Variants in GDI2 observed in about 807,000 individuals in gnomAD.
GDI2 encodes the protein GDP dissociation inhibitor 2, also known as rab GDP dissociation inhibitor beta.
GDI2 carries 22 observed loss-of-function variants against 54.2 expected under a neutral mutation model. The ratio of observed to expected loss-of-function variants is 0.41; its 90% CI spans 0.29 to 0.58. GDI2 has a LOEUF of 0.58. Among genes scored for constraint, GDI2 ranks in the 20% least tolerant of loss-of-function variants. The pLI is 0.35. For synonymous variants in GDI2, 177 were observed against 182.1 expected, an observed-to-expected ratio of 0.97 and a Z score of 0.23; for missense variants, 422 against 546.0, an observed-to-expected ratio of 0.77 and a Z score of 2.26.
rs1277338952 is a variant in GDI2, at chr10:5,766,825, T to A, written c.992-187A>T. On this transcript the variant is annotated intron_variant, in intron 8 of 10. Coordinates refer to ENST00000380191, the MANE Select transcript of GDI2 (RefSeq NM_001494.4). The surrounding 1 kb of genome is among the most constrained non-coding windows in gnomAD (Gnocchi z 5.8). ...TACACAGATATTTAACAATAGGAAT[T>A]TCTTTTAACCTACTAGAGATTAAGA... 6.6e-6 allele frequency among the ~76,000 whole-genome samples: 1 copy of A among 152,232 alleles called. No individual in the cohort carries two copies. The highest frequency in any genetic ancestry group is 6.5e-5 in the Admixed American group (1 of 15,282).
Position 5,766,707 on chromosome 10 carries a change from A to G in GDI2, c.992-69T>C. 2.4e-6 allele frequency: 3 copies of G among 1,258,458 alleles called. No homozygotes were observed. The highest frequency in any genetic ancestry group is 3.5e-6 in the Non-Finnish European group (3 of 863,678). 78.0% of individuals were successfully genotyped at this position (1,258,458 alleles called of 1,614,324 possible). Reference sequence around the variant, plus strand: ...CTGGGACCCAACATACTCAGGTATCACCCATATGTCATGAGGTGTGAGTTA... The same window carrying G: ...CTGGGACCCAACATACTCAGGTATCGCCCATATGTCATGAGGTGTGAGTTA... On this transcript the variant is annotated intron_variant, in intron 8 of 10. Coordinates refer to ENST00000380191, the MANE Select transcript of GDI2 (RefSeq NM_001494.4). This position sits in a 1 kb window ranked among gnomAD's most constrained non-coding sequence, Gnocchi z 5.8.
chr10:5,799,389 T>G (rs1472935611), intron 2 of GDI2, among the ~76,000 whole-genome samples: 1 of 152,084 alleles, frequency 6.6e-6, no homozygotes, highest in Non-Finnish European at 1.5e-5. Context: ...TGGTGGCTCA[T>G]GCCTGTAATC....
intron 1 of GDI2, among the ~76,000 whole-genome samples, chr10:5,805,936 C>T (rs752900336): frequency 6.6e-5 from 10 of 152,136 alleles, no homozygotes; most frequent in Non-Finnish European, 1.2e-4. Flanking sequence ...ATGACTATAC[C>T]ACAATTTACT....
At chr10:5,780,362 G>T (rs527364785) in intron 6 of GDI2, among the ~76,000 whole-genome samples, 20 of 150,738 alleles carry the variant, frequency 1.3e-4, no homozygotes, top group Non-Finnish European at 2.2e-4. Flanking sequence ...GTAAAACTGG[G>T]AACAAAGCAA....
Position 5,776,341 on chromosome 10 carries a change from A to T in GDI2, c.720-2400T>A. On this transcript the variant is annotated intron_variant, in intron 6 of 10. Coordinates refer to ENST00000380191, the MANE Select transcript of GDI2 (RefSeq NM_001494.4). The surrounding 1 kb of genome is among the most constrained non-coding windows in gnomAD (Gnocchi z 5.3). ...TGCCCATCTCACAAACCCTCTGCTG[A>T]GGATGCAGAGAGCCAGAGCCCCCTT... 1 of 650,144 alleles carries T rather than the reference A, an allele frequency of 1.5e-6. No individual in the cohort carries two copies. Among genetic ancestry groups the T allele is most frequent in the Non-Finnish European group, 2.8e-6 (1 of 354,702 alleles). The allele number at this position is 650,144 out of a possible 1,614,324, so 40.3% of individuals were successfully genotyped here.
chr10:5,803,555 T>C (rs1220607807), intron 1 of GDI2, among the ~76,000 whole-genome samples: 1 of 152,208 alleles, frequency 6.6e-6, no homozygotes, highest in African/African-American at 2.4e-5. Context: ...ACAACCTTTA[T>C]AAACAAAAGC....
intron 1 of GDI2, among the ~76,000 whole-genome samples, chr10:5,801,389 T>C (rs1286780519): frequency 6.6e-6 from 1 of 152,144 alleles, no homozygotes; most frequent in East Asian, 1.9e-4. Flanking sequence ...AGGATGTCCT[T>C]GATAGGGTGG....
At chr10:5,786,163 C>G (rs1364315996) in intron 4 of GDI2, 113 bp from the exon 5 acceptor site, 23 of 444,778 alleles carry the variant, frequency 5.2e-5, no homozygotes, top group Non-Finnish European at 8.1e-5. Flanking sequence ...ATGCAGGATG[C>G]AATTTTTTTT....
chr10:5,809,043 G>A (rs574694966), intron 1 of GDI2, among the ~76,000 whole-genome samples: 53 of 152,056 alleles, frequency 3.5e-4, no homozygotes, highest in African/African-American at 1.2e-3. Context: ...TTAGGAGTTC[G>A]AGACCAGCCT....
chr10:5,765,748 A>G lies in GDI2; in HGVS notation c.*258T>C, dbSNP rs1840305779. ...TCAAGTTGTCTGTGTCGGTATCCCA[A>G]TGTTTGTTTAACTTCACTAGAAAAA... On this transcript the variant is annotated 3_prime_UTR_variant, in exon 11 of 11. Transcript: ENST00000380191. 5.3e-6 allele frequency: 2 copies of G among 380,786 alleles called. No individual in the cohort carries two copies. The highest frequency in any genetic ancestry group is 9.0e-6 in the Non-Finnish European group (2 of 222,872). The allele number at this position is 380,786 out of a possible 1,614,324, so 23.6% of individuals were successfully genotyped here.
intron 4 of GDI2, among the ~76,000 whole-genome samples, chr10:5,786,489 G>A (rs1840884512): frequency 6.6e-6 from 1 of 152,118 alleles, no homozygotes. Flanking sequence ...TTTAAGATAT[G>A]GGAGTTTGGA....
intron 6 of GDI2, among the ~76,000 whole-genome samples, chr10:5,781,403 G>A (rs748519183): frequency 7.9e-5 from 12 of 151,902 alleles, no homozygotes; most frequent in African/African-American, 1.2e-4. Context: ...CAAGGCAGGC[G>A]GATCATGAAG....
intron 6 of GDI2, among the ~76,000 whole-genome samples, chr10:5,783,162 C>CA (rs1370367106): frequency 9.9e-5 from 15 of 152,096 alleles, no homozygotes; most frequent in African/African-American, 2.9e-4. Flanking sequence ...TCTATACCTT[C>CA]ACTCAGGTTT....
chr10:5,780,907 A>C (rs1263356531), intron 6 of GDI2, among the ~76,000 whole-genome samples: 1 of 152,244 alleles, frequency 6.6e-6, no homozygotes, highest in African/African-American at 2.4e-5. Context: ...ACCTGATTTT[A>C]AAAACGTATA....
At chr10:5,798,011 A>C (rs1296380449) in intron 2 of GDI2, among the ~76,000 whole-genome samples, 2 of 152,240 alleles carry the variant, frequency 1.3e-5, no homozygotes, top group African/African-American at 4.8e-5. Flanking sequence ...TAACTGATAC[A>C]TAAAGAACTG....
At chr10:5,785,664 C>A (rs904559974) in intron 5 of GDI2, among the ~76,000 whole-genome samples, 188 bp downstream of exon 5, 3 of 152,210 alleles carry the variant, frequency 2.0e-5, no homozygotes, top group Non-Finnish European at 2.9e-5. Flanking sequence ...GCGTGAGCCA[C>A]CACACCTGGC....
At chr10:5,789,307 C>T (rs1211540675) in intron 4 of GDI2, among the ~76,000 whole-genome samples, 2 of 151,692 alleles carry the variant, frequency 1.3e-5, no homozygotes, top group Admixed American at 6.6e-5. Context: ...ACTATGTTGC[C>T]CAGGCTGATC....
intron 7 of GDI2, chr10:5,769,239 A>G (rs1840430527): frequency 6.6e-6 from 1 of 152,150 alleles, no homozygotes; most frequent in African/African-American, 2.4e-5. Context: ...CAATACATCA[A>G]GAACTCCTAA....
At chr10:5,809,331 T>C (rs1841442847) in intron 1 of GDI2, among the ~76,000 whole-genome samples, 1 of 152,076 alleles carries the variant, frequency 6.6e-6, no homozygotes. Context: ...AAGTCCTCTC[T>C]CACTGCCTTG....
Sources: gnomAD v4.1 joint callset for allele counts (sites outside exome capture counted in the v4.1 genomes callset) on GRCh38, gnomAD v4.1.1 for gene constraint, Gnocchi (gnomAD v3.1) non-coding constraint, MANE v1.5 for transcripts, NCBI Gene and HGNC (gene_info 2026-07-23, HGNC 2026-07-21) for gene names.